The following CSMD1 variants were observed in gnomAD, a reference collection of about 807,000 sequenced individuals.
CSMD1 encodes the protein CUB and sushi domain-containing protein 1.
CSMD1 carries 213 observed loss-of-function variants against 417.5 expected under a neutral mutation model. The observed-to-expected ratio is 0.51, with a 90% CI of 0.46 to 0.57. CSMD1 has a LOEUF of 0.57. Ranked by LOEUF, CSMD1 falls within the 20% of genes least tolerant of loss-of-function variation. The probability of loss-of-function intolerance (pLI) is 0.00; values close to 1 mark genes in which losing one functional copy is unlikely to be tolerated. For synonymous variants in CSMD1, 2,862 were observed against 1,736.8 expected (o/e 1.65, Z -16.11); for missense variants, 6,923 against 4,529.7 (o/e 1.53, Z -15.17).
At chr8:4,940,070 C>A (rs74709110) in intron 1 of CSMD1, among the ~76,000 whole-genome samples, 1 of 151,900 alleles carries the variant, frequency 6.6e-6, no homozygotes, top group East Asian at 1.9e-4. Flanking sequence ...GGTAGGAGAA[C>A]CGGGCAGAAA....
intron 1 of CSMD1, among the ~76,000 whole-genome samples, chr8:4,730,785 G>A (rs1370824896): frequency 6.6e-6 from 1 of 151,824 alleles, no homozygotes; most frequent in Non-Finnish European, 1.5e-5. Context: ...ATGAATAAAT[G>A]AATAGAGACG....
At chr8:4,078,892 A>AATAAATAT (rs1289930316) in intron 3 of CSMD1, among the ~76,000 whole-genome samples, 1 of 91,700 alleles carries the variant, frequency 1.1e-5, no homozygotes, top group African/African-American at 5.4e-5. Context: ...TAATAATAAT[A>AATAAATAT]ATAAATATAT....
At chr8:3,848,623 G>T (rs1466988767) in intron 5 of CSMD1, among the ~76,000 whole-genome samples, 1 of 152,122 alleles carries the variant, frequency 6.6e-6, no homozygotes, top group Non-Finnish European at 1.5e-5. Flanking sequence ...GTTCTAAAGT[G>T]CAGAGAATAG....
intron 5 of CSMD1, among the ~76,000 whole-genome samples, chr8:3,944,907 G>T (rs908126187): frequency 6.6e-6 from 1 of 152,132 alleles, no homozygotes; most frequent in African/African-American, 2.4e-5. Context: ...CCCACAATCA[G>T]TGTTTCTGAA....
intron 11 of CSMD1, among the ~76,000 whole-genome samples, chr8:3,491,621 C>A (rs1818386891): frequency 6.6e-6 from 1 of 152,110 alleles, no homozygotes; most frequent in South Asian, 2.1e-4. Flanking sequence ...GGAGTCGTGT[C>A]CCTGGTGGAG....
At chr8:4,353,114 G>A (rs527545545) in intron 3 of CSMD1, among the ~76,000 whole-genome samples, 37 of 152,202 alleles carry the variant, frequency 2.4e-4, no homozygotes, top group African/African-American at 8.2e-4. Flanking sequence ...ATAACATTCG[G>A]TTTATGTTCT....
intron 1 of CSMD1, among the ~76,000 whole-genome samples, chr8:4,660,726 T>A (rs138181932): frequency 6.6e-6 from 1 of 152,086 alleles, no homozygotes; most frequent in African/African-American, 2.4e-5. Context: ...AATCACATAT[T>A]TGACAAAGGA....
At chr8:4,408,977 G>A (rs1297059709) in intron 3 of CSMD1, among the ~76,000 whole-genome samples, 1 of 152,188 alleles carries the variant, frequency 6.6e-6, no homozygotes, top group Admixed American at 6.5e-5. Context: ...AATGAACTGT[G>A]AATTCTTTGC....
At chr8:3,651,000 A>G (rs1167812452) in intron 7 of CSMD1, among the ~76,000 whole-genome samples, 1 of 152,204 alleles carries the variant, frequency 6.6e-6, no homozygotes, top group African/African-American at 2.4e-5. Flanking sequence ...TCCTTAGACC[A>G]AAAACCTTGA....
chr8:4,322,328 T>C lies in CSMD1; in HGVS notation c.415+97625A>G, dbSNP rs1005746632. On this transcript the variant is annotated intron_variant, in intron 3 of 69. Transcript: ENST00000635120. ...TGCATATTTGAAGAGAGTACTTTTTTTTGCAACAATCTGAGCACTGGAGAG... is the reference window on the plus strand; with the variant it reads ...TGCATATTTGAAGAGAGTACTTTTTCTTGCAACAATCTGAGCACTGGAGAG... Among the ~76,000 whole-genome samples, 8 of 152,232 alleles carry C rather than the reference T, an allele frequency of 5.3e-5. No homozygotes were observed. The East Asian group carries it at 9.7e-4, about 18-fold the overall frequency.
chr8:4,480,492 A>T (rs965713372), intron 2 of CSMD1, among the ~76,000 whole-genome samples: 7 of 152,222 alleles, frequency 4.6e-5, no homozygotes, highest in African/African-American at 1.7e-4. Flanking sequence ...TAGTTGTATT[A>T]GACAACCAGA....
At chr8:3,587,800 T>G (rs1278854193) in intron 8 of CSMD1, among the ~76,000 whole-genome samples, 2 of 152,192 alleles carry the variant, frequency 1.3e-5, no homozygotes, top group African/African-American at 4.8e-5. Context: ...ATTCAAAAGA[T>G]GTAGACTTTT....
intron 1 of CSMD1, among the ~76,000 whole-genome samples, chr8:4,645,594 C>T (rs144373082): frequency 6.6e-5 from 10 of 151,954 alleles, no homozygotes; most frequent in South Asian, 6.3e-4. Context: ...TGCGGGATGA[C>T]GAGGCTGCCC....
chr8:4,375,634 T>G (rs1336210396), intron 3 of CSMD1, among the ~76,000 whole-genome samples: 1 of 152,104 alleles, frequency 6.6e-6, no homozygotes, highest in Non-Finnish European at 1.5e-5. Context: ...ATTGTGGCTG[T>G]GGGATGGTCG....
chr8:3,765,915 G>C lies in CSMD1; in HGVS notation c.819-11873C>G, dbSNP rs191302959. ...ATGAGAGTCCATCTCAAACATGACA[G>C]ACTTGAGAGAAGGCTGTAAAAATGG... is the stretch of plus-strand genomic sequence containing the variant. On this transcript the variant is annotated intron_variant, in intron 5 of 69. Coordinates refer to ENST00000635120, the MANE Select transcript of CSMD1 (RefSeq NM_033225.6). 5.3e-4 allele frequency among the ~76,000 whole-genome samples: 80 copies of C among 152,334 alleles called. 1 individual carries two copies. Among genetic ancestry groups the C allele is most frequent in the Admixed American group, 2.5e-3 (38 of 15,304 alleles).
intron 7 of CSMD1, among the ~76,000 whole-genome samples, chr8:3,676,049 G>A (rs2117570064): frequency 6.6e-6 from 1 of 152,316 alleles, no homozygotes; most frequent in East Asian, 1.9e-4. Flanking sequence ...ATAGGCATAG[G>A]AAGTCATCAT....
intron 26 of CSMD1, among the ~76,000 whole-genome samples, chr8:3,256,337 A>C (rs570960300): frequency 1.2e-3 from 175 of 151,610 alleles, no homozygotes; most frequent in Non-Finnish European, 2.1e-3. Flanking sequence ...AGAAGAAAGG[A>C]AGGAAAGAAA....
At chr8:3,056,080 T>G (rs943199819) in intron 49 of CSMD1, among the ~76,000 whole-genome samples, 2 of 152,234 alleles carry the variant, frequency 1.3e-5, no homozygotes, top group African/African-American at 4.8e-5. Flanking sequence ...CATAAAATTT[T>G]TACTTATTTA....
intron 6 of CSMD1, among the ~76,000 whole-genome samples, chr8:3,748,402 T>G (rs897358318): frequency 6.6e-6 from 1 of 152,180 alleles, no homozygotes; most frequent in Non-Finnish European, 1.5e-5. Context: ...TCCACTGCCA[T>G]GGAAACAGGC....
Sources: allele counts gnomAD v4.1 joint callset (sites outside exome capture counted in the v4.1 genomes callset), GRCh38; gene constraint gnomAD v4.1.1; transcripts MANE v1.5; gene names NCBI Gene and HGNC (gene_info 2026-07-23, HGNC 2026-07-21).